Variants in UNC5D observed in about 807,000 individuals in gnomAD.
UNC5D encodes the protein netrin receptor UNC5D.
A neutral mutation model predicts 105.4 loss-of-function variants in UNC5D; 39 were observed. The ratio of observed to expected loss-of-function variants is 0.37; its 90% CI spans 0.29 to 0.48. UNC5D has a LOEUF of 0.48. Ranked by LOEUF, UNC5D falls within the 20% of genes least tolerant of loss-of-function variation. The pLI is 0.98. For synonymous variants in UNC5D, 452 were observed against 450.4 expected (o/e 1.00, Z -0.04); for missense variants, 991 against 1,202.4 (o/e 0.82, Z 2.60).
chr8:35,595,540 A>G lies in UNC5D; in HGVS notation c.467-14A>G, dbSNP rs73674035. ...CTTGAAACAAAGTGTCACCTATCTC[A>G]TGCTTCTTTGCAGATTTACGGAAAA... On this transcript the variant is annotated splice_polypyrimidine_tract_variant and intron_variant, in intron 3 of 16. Transcript: ENST00000404895. 888 of 1,612,310 alleles carry G rather than the reference A, an allele frequency of 5.5e-4. 5 individuals carry two copies. In the African/African-American group the frequency reaches 0.01, roughly 19 times the overall value.
In UNC5D at chr8:35,791,812, T is replaced by C. The variant is rs1009733165; in HGVS notation, c.*1249T>C. The C allele has an allele frequency of 3.9e-5, 6 of 152,262 alleles. No homozygotes were observed. The highest frequency in any genetic ancestry group is 5.9e-5 in the Non-Finnish European group (4 of 67,998). The allele number at this position is 152,262 out of a possible 1,614,324, so 9.4% of individuals were successfully genotyped here. On this transcript the variant is annotated 3_prime_UTR_variant, in exon 17 of 17. Transcript: ENST00000404895. ...CTTTCTCTATAGAACCACTAACATATGGCTATTGCTCTATGATTTTTTTTT... is the reference window on the plus strand; with the variant it reads ...CTTTCTCTATAGAACCACTAACATACGGCTATTGCTCTATGATTTTTTTTT...
At chr8:35,553,917 G>A (rs1409831008) in intron 2 of UNC5D, among the ~76,000 whole-genome samples, 2 of 152,098 alleles carry the variant, frequency 1.3e-5, no homozygotes, top group African/African-American at 4.8e-5. Flanking sequence ...AAGGACGGTG[G>A]GACCACATTT....
intron 1 of UNC5D, among the ~76,000 whole-genome samples, chr8:35,308,047 A>G (rs1227778036): frequency 6.6e-6 from 1 of 151,992 alleles, no homozygotes; most frequent in Non-Finnish European, 1.5e-5. Flanking sequence ...TTTCTTACTA[A>G]GAAGAAGGAA....
chr8:35,631,639 G>T (rs914747425), intron 4 of UNC5D, among the ~76,000 whole-genome samples: 1 of 152,178 alleles, frequency 6.6e-6, no homozygotes, highest in South Asian at 2.1e-4. Context: ...CAAGTAGTCC[G>T]AACAGAGTAG....
At position 35,790,593 on chromosome 8, in the gene UNC5D, G is replaced by A. The variant is rs375571105; in HGVS notation, c.*30G>A. ...CTTCCTCCCATGAGACAGAGTGATG[G>A]CCAGCTTGGGGACATTTGCTTTAAA... On this transcript the variant is annotated 3_prime_UTR_variant, in exon 17 of 17. Coordinates refer to ENST00000404895, the MANE Select transcript of UNC5D (RefSeq NM_080872.4). The A allele has an allele frequency of 1.2e-4, 194 of 1,611,536 alleles. No homozygotes were observed. Among genetic ancestry groups the A allele is most frequent in the Non-Finnish European group, 1.5e-4 (177 of 1,178,766 alleles).
At position 35,647,984 on chromosome 8, in the gene UNC5D, T is replaced by G. The variant is rs371906207; in HGVS notation, c.571-35563T>G. 3.0e-3 allele frequency among the ~76,000 whole-genome samples: 463 copies of G among 152,248 alleles called. 2 individuals are homozygous for G. The highest frequency in any genetic ancestry group is 0.011 in the African/African-American group (451 of 41,554). ...ATCTAGAGTTTCAGCAATAGTCAGG[T>G]CATTAATTTCTTACTAGAAAATAAT... On this transcript the variant is annotated intron_variant, in intron 4 of 16. Coordinates refer to ENST00000404895, the MANE Select transcript of UNC5D (RefSeq NM_080872.4).
chr8:35,380,192 C>CGAGAGGGA (rs1220763111), intron 1 of UNC5D, among the ~76,000 whole-genome samples: 2 of 112,140 alleles, frequency 1.8e-5, no homozygotes, highest in African/African-American at 7.0e-5. Context: ...AGACAGAGAC[C>CGAGAGGGA]GAGAGGGAGA....
intron 13 of UNC5D, among the ~76,000 whole-genome samples, chr8:35,756,144 A>G (rs1362869127): frequency 6.6e-6 from 1 of 152,226 alleles, no homozygotes; most frequent in Non-Finnish European, 1.5e-5. Context: ...TTAGTTCATT[A>G]CCAGGCTTTT....
intron 4 of UNC5D, among the ~76,000 whole-genome samples, chr8:35,661,150 C>T (rs1269070933): frequency 2.0e-5 from 3 of 151,656 alleles, no homozygotes; most frequent in African/African-American, 7.3e-5. Context: ...GCAATTATTT[C>T]AGATTAAATG....
chr8:35,557,311 C>A (rs956229233), intron 2 of UNC5D, among the ~76,000 whole-genome samples: 13 of 152,082 alleles, frequency 8.5e-5, no homozygotes, highest in African/African-American at 3.1e-4. Context: ...ACTGAACTCG[C>A]GGTGCTTCTG....
chr8:35,561,519 GA>G (rs59776488), intron 2 of UNC5D, among the ~76,000 whole-genome samples: 5,165 of 151,666 alleles, frequency 0.034, 219 homozygotes, highest in African/African-American at 0.1. Flanking sequence ...ATACTTTATT[GA>G]AAAAAAATCC....
chr8:35,380,698 A>T (rs1314024318), intron 1 of UNC5D, among the ~76,000 whole-genome samples: 3 of 152,160 alleles, frequency 2.0e-5, no homozygotes, highest in Non-Finnish European at 4.4e-5. Context: ...TAGAATTTAG[A>T]TGATAGAGGG....
chr8:35,475,786 C>A (rs1810047771), intron 1 of UNC5D, among the ~76,000 whole-genome samples: 1 of 152,138 alleles, frequency 6.6e-6, no homozygotes, highest in African/African-American at 2.4e-5. Flanking sequence ...TTACTTATGA[C>A]CATAATGACC....
Position 35,366,174 on chromosome 8 carries a change from A to G in UNC5D, c.103+130287A>G, listed in dbSNP as rs573445564. Among the ~76,000 whole-genome samples, 6 of 152,170 alleles carry G rather than the reference A, an allele frequency of 3.9e-5. No individual in the cohort carries two copies. In the South Asian group the frequency reaches 1.2e-3, roughly 32 times the overall value. On this transcript the variant is annotated intron_variant, in intron 1 of 16. Coordinates refer to ENST00000404895, the MANE Select transcript of UNC5D (RefSeq NM_080872.4). The stretch of plus-strand genomic sequence containing the variant: ...GAATTAAACCCCATTTAAGTGAACT[A>G]ATTGCATTTTTTTTTCTAAATCAGG...
Position 35,568,342 on chromosome 8 carries a change from A to G in UNC5D, c.466+101A>G, listed in dbSNP as rs1276725994. The G allele has an allele frequency of 2.8e-6, 4 of 1,437,882 alleles. No individual in the cohort carries two copies. In the African/African-American group the frequency reaches 5.7e-5, roughly 21 times the overall value. 89.1% of individuals were successfully genotyped at this position (1,437,882 alleles called of 1,614,324 possible). Reference sequence around the variant, plus strand: ...GATGTCAGATGCTTCTACAGAATGTAAATGAGAGGTCTTAAATTTACTCTT... The same window carrying G: ...GATGTCAGATGCTTCTACAGAATGTGAATGAGAGGTCTTAAATTTACTCTT... On this transcript the variant is annotated intron_variant, in intron 3 of 16. Coordinates refer to ENST00000404895, the MANE Select transcript of UNC5D (RefSeq NM_080872.4).
chr8:35,626,474 G>A (rs1563606001), intron 4 of UNC5D, among the ~76,000 whole-genome samples: 1 of 152,124 alleles, frequency 6.6e-6, no homozygotes, highest in Non-Finnish European at 1.5e-5. Flanking sequence ...GTAAACCATG[G>A]AAACCATGCT....
chr8:35,718,397 G>A (rs1828378517), intron 8 of UNC5D, among the ~76,000 whole-genome samples: 1 of 152,142 alleles, frequency 6.6e-6, no homozygotes, highest in South Asian at 2.1e-4. Context: ...AGGTATAAAC[G>A]TATGTGTAAA....
At chr8:35,783,587 C>A (rs1443842940) in intron 16 of UNC5D, among the ~76,000 whole-genome samples, 1 of 152,148 alleles carries the variant, frequency 6.6e-6, no homozygotes, top group Non-Finnish European at 1.5e-5. Flanking sequence ...TGTACCTCCC[C>A]AGGGCTAAGA....
intron 1 of UNC5D, among the ~76,000 whole-genome samples, chr8:35,380,876 GT>G (rs1803002209): frequency 1.3e-5 from 2 of 152,154 alleles, no homozygotes; most frequent in South Asian, 4.1e-4. Context: ...TGAAGACAAA[GT>G]AATTTATTTG....
Sources: allele counts gnomAD v4.1 joint callset (sites outside exome capture counted in the v4.1 genomes callset), GRCh38; gene constraint gnomAD v4.1.1; transcripts MANE v1.5; gene names NCBI Gene and HGNC (gene_info 2026-07-23, HGNC 2026-07-21).